Variants in MAML2 observed in about 807,000 individuals in gnomAD.
The protein encoded by MAML2 is mastermind-like protein 2.
MAML2 carries 22 observed loss-of-function variants against 96.1 expected under a neutral mutation model. The observed-to-expected ratio is 0.23, with a 90% CI of 0.16 to 0.33. The LOEUF is 0.33. MAML2 is among the 10% of genes least tolerant of loss of function. The pLI is 1.00. For synonymous variants in MAML2, 561 were observed against 521.3 expected, an observed-to-expected ratio of 1.08 and a Z score of -1.04; for missense variants, 1,367 against 1,392.4, an observed-to-expected ratio of 0.98 and a Z score of 0.29.
At chr11:96,091,312 C>T (rs560954975) in intron 2 of MAML2, among the ~76,000 whole-genome samples, 3 of 152,260 alleles carry the variant, frequency 2.0e-5, no homozygotes, top group Admixed American at 2.0e-4. Context: ...TTAAAAATCC[C>T]GTCTCCCTTT....
At position 96,341,767 on chromosome 11, in the gene MAML2, C is replaced by G. The variant is rs754161824; in HGVS notation, c.129G>C (p.Arg43=). The G allele has an allele frequency of 1.6e-5, 26 of 1,612,292 alleles. No homozygotes were observed. The highest frequency in any genetic ancestry group is 2.1e-5 in the Non-Finnish European group (25 of 1,179,650). ...HSAIVERLRA[R]IAVCRQHHLS... is the part of the protein sequence containing the mutation. ...GGTGGTGTTGGCGGCAGACAGCGAT[C>G]CGAGCCCGGAGGCGCTCCACGATAG... is the stretch of plus-strand genomic sequence containing the variant. Residue 43 remains arginine, a synonymous_variant, in exon 1 of 5, where the codon CGG becomes CGC. Coordinates refer to ENST00000524717, the MANE Select transcript of MAML2 (RefSeq NM_032427.4).
At chr11:96,158,468 GGA>G (rs1453569003) in intron 1 of MAML2, among the ~76,000 whole-genome samples, 4 of 152,188 alleles carry the variant, frequency 2.6e-5, no homozygotes, top group African/African-American at 9.7e-5. Flanking sequence ...GAGCTGCAAG[GGA>G]GAGTCTGGAA....
intron 2 of MAML2, among the ~76,000 whole-genome samples, chr11:96,073,094 A>G (rs1361833353): frequency 6.6e-6 from 1 of 152,230 alleles, no homozygotes; most frequent in East Asian, 1.9e-4. Context: ...AATTTACACA[A>G]TGAAACTTGG....
intron 1 of MAML2, among the ~76,000 whole-genome samples, chr11:96,284,773 C>T (rs193111498): frequency 6.6e-6 from 1 of 152,174 alleles, no homozygotes; most frequent in Non-Finnish European, 1.5e-5. Context: ...ATCTTTCTTA[C>T]AAAATCTCCA....
intron 1 of MAML2, among the ~76,000 whole-genome samples, chr11:96,099,052 A>C (rs544045155): frequency 6.6e-6 from 1 of 152,236 alleles, no homozygotes; most frequent in South Asian, 2.1e-4. Flanking sequence ...AATTCAGTCC[A>C]TAGGTCACTT....
chr11:95,996,518 C>G (rs1857992775), intron 2 of MAML2, among the ~76,000 whole-genome samples: 1 of 152,056 alleles, frequency 6.6e-6, no homozygotes, highest in Non-Finnish European at 1.5e-5. Context: ...AAGGGAGGTG[C>G]CCTGGTATGG....
chr11:96,070,147 C>T (rs888812394), intron 2 of MAML2, among the ~76,000 whole-genome samples: 12 of 150,836 alleles, frequency 8.0e-5, no homozygotes, highest in East Asian at 7.8e-4. Context: ...AAAAATTAGC[C>T]GGCGTGGTGG....
At position 96,092,279 on chromosome 11, in the gene MAML2, T is replaced by C. The variant is rs764387963; in HGVS notation, c.1752A>G (p.Leu584=). 6 of 1,559,802 alleles carry C rather than the reference T, an allele frequency of 3.8e-6. No individual in the cohort carries two copies. The South Asian group carries it at 7.1e-5, about 18-fold the overall frequency. The change falls in exon 2 of 5, where the codon CTA becomes CTG. Residue 584 remains leucine (L), a synonymous_variant. Transcript: ENST00000524717. The surrounding 1 kb of genome is among the most constrained non-coding windows in gnomAD (Gnocchi z 4.1). ...VLPSQNKPSL[L]HYTQQQQQQQ... is the part of the protein sequence containing the mutation. ...GCTGCTGTTGCTGTTGGGTGTAGTGTAGGAGAGAAGGCTTGTTCTGGGAAG... is the reference window on the plus strand; with the variant it reads ...GCTGCTGTTGCTGTTGGGTGTAGTGCAGGAGAGAAGGCTTGTTCTGGGAAG...
At chr11:96,127,397 G>A (rs1477610871) in intron 1 of MAML2, among the ~76,000 whole-genome samples, 2 of 152,190 alleles carry the variant, frequency 1.3e-5, no homozygotes, top group Non-Finnish European at 2.9e-5. Context: ...TAACTGAAAT[G>A]GAGAGTTGCC....
At chr11:96,314,774 G>T (rs772111045) in intron 1 of MAML2, among the ~76,000 whole-genome samples, 2 of 152,326 alleles carry the variant, frequency 1.3e-5, no homozygotes, top group Middle Eastern at 3.4e-3. Context: ...GTTTGGCACA[G>T]AAACAGCCTT....
At chr11:96,149,036 A>G (rs1001445688) in intron 1 of MAML2, among the ~76,000 whole-genome samples, 2 of 152,168 alleles carry the variant, frequency 1.3e-5, no homozygotes, top group African/African-American at 4.8e-5. Flanking sequence ...AGGTTCCAGT[A>G]GCCCTCTGTG....
intron 1 of MAML2, among the ~76,000 whole-genome samples, chr11:96,142,664 G>A (rs192092638): frequency 5.3e-5 from 8 of 152,246 alleles, no homozygotes; most frequent in Admixed American, 2.6e-4. Context: ...GCCAAAGAAC[G>A]AAATTATCCT....
chr11:96,004,593 G>A (rs941525660), intron 2 of MAML2, among the ~76,000 whole-genome samples: 1 of 152,092 alleles, frequency 6.6e-6, no homozygotes, highest in African/African-American at 2.4e-5. Context: ...GATATCCCAT[G>A]AGAATATATT....
chr11:96,306,064 A>G (rs1177367470), intron 1 of MAML2, among the ~76,000 whole-genome samples: 1 of 150,140 alleles, frequency 6.7e-6, no homozygotes, highest in African/African-American at 2.5e-5. Flanking sequence ...AATTATGTAT[A>G]TATAATTATA....
At chr11:96,312,416 A>T (rs555249919) in intron 1 of MAML2, among the ~76,000 whole-genome samples, 1 of 152,236 alleles carries the variant, frequency 6.6e-6, no homozygotes, top group East Asian at 1.9e-4. Context: ...TTGTAATTCA[A>T]CATTAGGGAA....
intron 4 of MAML2, 134 bp downstream of exon 4, chr11:95,985,397 C>A: frequency 1.7e-6 from 1 of 595,326 alleles, no homozygotes; most frequent in Non-Finnish European, 2.9e-6. Flanking sequence ...GTAGTCTTGG[C>A]ATGAAAGTCA....
intron 2 of MAML2, among the ~76,000 whole-genome samples, chr11:96,048,623 A>T (rs1430829013): frequency 6.6e-6 from 1 of 152,210 alleles, no homozygotes; most frequent in African/African-American, 2.4e-5. Flanking sequence ...CATTGGAAGA[A>T]TATATGATGA....
chr11:96,096,472 G>A (rs553005254), intron 1 of MAML2, among the ~76,000 whole-genome samples: 65 of 152,292 alleles, frequency 4.3e-4, no homozygotes, highest in Middle Eastern at 3.4e-3. Flanking sequence ...TTTTGCAGAT[G>A]AGAAAACAGG....
At chr11:96,324,306 A>G (rs1863746346) in intron 1 of MAML2, among the ~76,000 whole-genome samples, 1 of 152,228 alleles carries the variant, frequency 6.6e-6, no homozygotes, top group Non-Finnish European at 1.5e-5. Context: ...CCTATTTCAT[A>G]GTATAATTGC....
Sources: gnomAD v4.1 joint callset for allele counts (sites outside exome capture counted in the v4.1 genomes callset) on GRCh38, gnomAD v4.1.1 for gene constraint, Gnocchi (gnomAD v3.1) non-coding constraint, MANE v1.5 for transcripts, NCBI Gene and HGNC (gene_info 2026-07-23, HGNC 2026-07-21) for gene names.